CACNA1D: variants seen among roughly 807,000 people sequenced by gnomAD.
The protein encoded by CACNA1D is voltage-dependent L-type calcium channel subunit alpha-1D.
In CACNA1D, 55 loss-of-function variants were observed where a neutral mutation model predicts 257.1. The ratio of observed to expected loss-of-function variants is 0.21; its 90% CI spans 0.17 to 0.27. The LOEUF is 0.27. CACNA1D is among the 10% of genes least tolerant of loss of function. The pLI is 1.00. For synonymous variants in CACNA1D, 980 were observed against 1,014.9 expected, an observed-to-expected ratio of 0.97 and a Z score of 0.65; for missense variants, 1,876 against 2,784.0, an observed-to-expected ratio of 0.67 and a Z score of 7.34.
intron 3 of CACNA1D, among the ~76,000 whole-genome samples, chr3:53,543,121 A>AAAATAAATAAATAAATAAAT (rs752946981): frequency 6.7e-6 from 1 of 149,302 alleles, no homozygotes; most frequent in Admixed American, 6.6e-5. Flanking sequence ...GCAGCAGTAA[A>AAAATAAATAAATAAATAAAT]AAATAAATAA....
chr3:53,801,220 T>C lies in CACNA1D; in HGVS notation c.5203T>C (p.Ser1735Pro). ...ACCGCTGTTTCCTCCAGCAGGAAAT[T>C]CGGTGTGTCATAACCATCATAACCA... ...EKPLFPPAGN[S>P]VCHNHHNHNS... The change falls in exon 42 of 48, where the codon TCG becomes CCG. Residue 1735 changes from serine (S) to proline (P), a missense_variant. Ser to Pro is a moderately conservative substitution (Grantham distance 74). Transcript: ENST00000350061. 6.2e-7 allele frequency: 1 copy of C among 1,613,986 alleles called. No homozygotes were observed. Among genetic ancestry groups the C allele is most frequent in the Non-Finnish European group, 8.5e-7 (1 of 1,179,990 alleles).
chr3:53,743,163 T>G, intron 22 of CACNA1D, 46 bp downstream of exon 22: 1 of 1,126,330 alleles, frequency 8.9e-7, no homozygotes, highest in Non-Finnish European at 1.4e-6. Flanking sequence ...GCTGAATGGT[T>G]TATGTAAGGG....
intron 15 of CACNA1D, among the ~76,000 whole-genome samples, chr3:53,729,399 A>G (rs2094966384): frequency 6.6e-6 from 1 of 152,022 alleles, no homozygotes. Flanking sequence ...GGCGTATGGG[A>G]CAGTGCTATG....
chr3:53,527,369 T>C (rs1396000748), intron 3 of CACNA1D, among the ~76,000 whole-genome samples: 4 of 152,256 alleles, frequency 2.6e-5, no homozygotes, highest in Admixed American at 1.3e-4. Context: ...CTTGAGTTCA[T>C]ATAGTGAAAA....
chr3:53,740,512 G>C (rs2095105990), intron 21 of CACNA1D, 173 bp downstream of exon 21: 1 of 646,190 alleles, frequency 1.5e-6, no homozygotes, highest in Non-Finnish European at 2.8e-6. Context: ...TTTAAGGGCT[G>C]CTCCTGCGTG....
intron 3 of CACNA1D, among the ~76,000 whole-genome samples, chr3:53,568,537 T>C (rs962479904): frequency 1.3e-5 from 2 of 152,170 alleles, no homozygotes; most frequent in Admixed American, 1.3e-4. Flanking sequence ...GCCTCCCCTG[T>C]TAGCATGGGT....
intron 8 of CACNA1D, among the ~76,000 whole-genome samples, chr3:53,696,565 A>G (rs2094575123): frequency 6.6e-6 from 1 of 152,196 alleles, no homozygotes; most frequent in African/African-American, 2.4e-5. Context: ...TTTGGTGCTC[A>G]ATGAGTAGAG....
At chr3:53,699,280 G>C (rs776181901) in intron 8 of CACNA1D, among the ~76,000 whole-genome samples, 2 of 152,186 alleles carry the variant, frequency 1.3e-5, no homozygotes, top group Non-Finnish European at 2.9e-5. Context: ...TTCACAGCTA[G>C]TGCTAATTTT....
At chr3:53,810,782 A>C (rs972813120) in intron 47 of CACNA1D, among the ~76,000 whole-genome samples, 2 of 146,438 alleles carry the variant, frequency 1.4e-5, no homozygotes, top group South Asian at 2.1e-4. Context: ...AAAAAAAAAA[A>C]AAAACAAAAA....
At chr3:53,805,203 C>A in intron 45 of CACNA1D, 57 bp downstream of exon 45, 1 of 1,546,048 alleles carries the variant, frequency 6.5e-7, no homozygotes, top group Non-Finnish European at 8.9e-7. Context: ...GTACCTCTCC[C>A]CCAACCCCCG....
At position 53,722,401 on chromosome 3, in the gene CACNA1D, C is replaced by G. The variant is rs376735564; in HGVS notation, c.1593C>G (p.Val531=). ...TCACGTTTTACTGGCTGGTTATCGT[C>G]CTGGTGTTTCTGAACACCTTAACCA... ...KSVTFYWLVI[V]LVFLNTLTIS... The change falls in exon 12 of 48, where the codon GTC becomes GTG. Residue 531 remains valine, a synonymous_variant. Coordinates refer to ENST00000350061, the MANE Select transcript of CACNA1D (RefSeq NM_001128840.3). The G allele has an allele frequency of 6.2e-7, 1 of 1,614,060 alleles. No individual in the cohort carries two copies. Among genetic ancestry groups the G allele is most frequent in the African/African-American group, 1.3e-5 (1 of 74,928 alleles).
At chr3:53,716,588 T>G (rs977660652) in intron 9 of CACNA1D, among the ~76,000 whole-genome samples, 1 of 152,140 alleles carries the variant, frequency 6.6e-6, no homozygotes, top group Non-Finnish European at 1.5e-5. Flanking sequence ...GTCCAGTTTT[T>G]TTTGTTTGTT....
At chr3:53,801,502 GTCTGTGC>G (rs949318100) in intron 42 of CACNA1D, 77 bp downstream of exon 42, 1 of 1,581,496 alleles carries the variant, frequency 6.3e-7, no homozygotes, top group African/African-American at 1.3e-5. Flanking sequence ...AGCAAGGCGG[GTCTGTGC>G]TCTGTGCTCT....
intron 3 of CACNA1D, among the ~76,000 whole-genome samples, chr3:53,505,768 G>A (rs551767546): frequency 6.6e-6 from 1 of 152,348 alleles, no homozygotes; most frequent in East Asian, 1.9e-4. Flanking sequence ...TAGCAGAGCA[G>A]TCTAGGAAAT....
At chr3:53,798,302 T>C (rs2095517142) in intron 40 of CACNA1D, among the ~76,000 whole-genome samples, 1 of 102,040 alleles carries the variant, frequency 9.8e-6, no homozygotes. Context: ...AGTGTGTGTA[T>C]GTGTGCGTGT....
intron 10 of CACNA1D, 182 bp downstream of exon 10, chr3:53,718,570 TCCCCACCCCCCGCCC>T: frequency 9.7e-6 from 7 of 717,966 alleles, no homozygotes; most frequent in East Asian, 5.5e-5. Flanking sequence ...CCTGCACACC[TCCCCACCCCCCGCCC>T]CCCCGCCCCC....
At chr3:53,691,780 T>TGTA (rs2094525294) in intron 8 of CACNA1D, among the ~76,000 whole-genome samples, 1 of 111,288 alleles carries the variant, frequency 9.0e-6, no homozygotes, top group Non-Finnish European at 1.7e-5. Flanking sequence ...ATATATTATA[T>TGTA]CTATAATATA....
At position 53,635,258 on chromosome 3, in the gene CACNA1D, T is replaced by C. The variant is rs367848700; in HGVS notation, c.484-15521T>C. Among the ~76,000 whole-genome samples the C allele has an allele frequency of 6.6e-5, 10 of 152,264 alleles. No homozygotes were observed. In the South Asian group the frequency reaches 2.1e-3, roughly 32 times the overall value. On this transcript the variant is annotated intron_variant, in intron 3 of 47. Coordinates refer to ENST00000350061, the MANE Select transcript of CACNA1D (RefSeq NM_001128840.3). The stretch of plus-strand genomic sequence containing the variant: ...GACACACAGTTTCTGGGGACCCTCC[T>C]GGGCCTACAGACTGCAGTCTCGGGT...
In CACNA1D at chr3:53,515,751, G is replaced by A. The variant is rs79404547; in HGVS notation, c.483+14031G>A. ...CTCTGACATGTGGTCCCTGACCTCT[G>A]TTTTCTCACCTGTAAGATGGGGATC... On this transcript the variant is annotated intron_variant, in intron 3 of 47. Transcript: ENST00000350061. Among the ~76,000 whole-genome samples, 806 of 152,304 alleles carry A rather than the reference G, an allele frequency of 5.3e-3. 5 individuals carry two copies. Among genetic ancestry groups the A allele is most frequent in the South Asian group, 0.036 (172 of 4,812 alleles).
Sources: allele counts gnomAD v4.1 joint callset (sites outside exome capture counted in the v4.1 genomes callset), GRCh38; gene constraint gnomAD v4.1.1; transcripts MANE v1.5; gene names NCBI Gene and HGNC (gene_info 2026-07-23, HGNC 2026-07-21).